Variants in RGMA observed in about 807,000 individuals in gnomAD.
RGMA encodes repulsive guidance molecule BMP co-receptor a.
In RGMA, 10 loss-of-function variants were observed where a neutral mutation model predicts 23.2. The observed-to-expected ratio is 0.43, with a 90% confidence interval of 0.27 to 0.73. The LOEUF (loss-of-function observed/expected upper bound fraction) is 0.73. Among genes scored for constraint, RGMA ranks in the 30% least tolerant of loss-of-function variants. The probability of loss-of-function intolerance (pLI) is 0.20; values close to 1 mark genes in which losing one functional copy is unlikely to be tolerated. For synonymous variants in RGMA, 308 were observed against 279.3 expected (o/e 1.10, Z -1.03); for missense variants, 547 against 630.5 (o/e 0.87, Z 1.42).
intron 2 of RGMA, among the ~76,000 whole-genome samples, chr15:93,055,810 T>C (rs2055004484): frequency 6.6e-6 from 1 of 152,198 alleles, no homozygotes; most frequent in Non-Finnish European, 1.5e-5. Flanking sequence ...GGTGTGGCTC[T>C]ACCCTCCAAA....
intron 2 of RGMA, among the ~76,000 whole-genome samples, chr15:93,056,653 T>C (rs1327030298): frequency 6.6e-6 from 1 of 152,086 alleles, no homozygotes; most frequent in Non-Finnish European, 1.5e-5. Context: ...TGCCCCACTA[T>C]TCCCTCCAAG....
intron 2 of RGMA, among the ~76,000 whole-genome samples, chr15:93,059,967 GGAAAGCTGCTTTTCAGA>G (rs2055076177): frequency 6.6e-6 from 1 of 152,174 alleles, no homozygotes; most frequent in Non-Finnish European, 1.5e-5. Flanking sequence ...AAGCGGAAGA[GGAAAGCTGCTTTTCAGA>G]GCAAGCTGCG....
intron 2 of RGMA, among the ~76,000 whole-genome samples, chr15:93,068,902 A>C (rs1895236947): frequency 6.6e-6 from 1 of 152,170 alleles, no homozygotes; most frequent in African/African-American, 2.4e-5. Context: ...ACCATCTACA[A>C]ACCAGACATC....
intron 3 of RGMA, among the ~76,000 whole-genome samples, chr15:93,048,787 G>C (rs1204800036): frequency 6.6e-6 from 1 of 151,998 alleles, no homozygotes; most frequent in African/African-American, 2.4e-5. Flanking sequence ...GGCCGCCTGG[G>C]GGTGCCGGAG....
intron 3 of RGMA, among the ~76,000 whole-genome samples, chr15:93,049,646 CG>C (rs2054885907): frequency 1.3e-5 from 2 of 152,186 alleles, no homozygotes; most frequent in African/African-American, 4.8e-5. Flanking sequence ...TAGTGATGCC[CG>C]GGTGTTTGGG....
Position 93,038,573 on chromosome 15 carries a change from T to TG in RGMA, c.*6424_*6425insC. ...TAATGAACGAAACTGTTAGTTGTTT[T>TG]TTTTTTTTTTTTGAGACGGTGTCTT... On this transcript the variant is annotated 3_prime_UTR_variant, in exon 4 of 4. Transcript: ENST00000329082. The TG allele has an allele frequency of 7.1e-6, 1 of 140,970 alleles. No individual in the cohort carries two copies. The highest frequency in any genetic ancestry group is 2.5e-5 in the African/African-American group (1 of 39,318). The allele number at this position is 140,970 out of a possible 1,614,324, so 8.7% of individuals were successfully genotyped here. A position where few individuals can be genotyped will look rare whatever the true frequency, so the allele number is the denominator to read the frequency against.
rs1269476552 is a variant in RGMA, at chr15:93,055,908, G to GA, written c.131-3402dup. Among the ~76,000 whole-genome samples the GA allele has an allele frequency of 2.0e-5, 3 of 152,226 alleles. 1 individual carries two copies. The highest frequency in any genetic ancestry group is 4.1e-4 in the South Asian group (2 of 4,828). ...TCCACAGCCTTCAAAACTGTTCTCA[G>GA]AGCAGCACCGCAGCTACAGAACTCT... is the stretch of plus-strand genomic sequence containing the variant. On this transcript the variant is annotated intron_variant, in intron 2 of 3. Transcript: ENST00000329082.
Position 93,035,829 on chromosome 15 carries a change from G to A in RGMA, c.*9169C>T, listed in dbSNP as rs1378077683. The A allele has an allele frequency of 6.6e-6, 1 of 152,254 alleles. No homozygotes were observed. Among genetic ancestry groups the A allele is most frequent in the African/African-American group, 2.4e-5 (1 of 41,456 alleles). The allele number at this position is 152,254 out of a possible 1,614,324, so 9.4% of individuals were successfully genotyped here. ...GGGCTTTGCGCCAGTATGAGCTTATGTAGTTCTTCCCGCTGCCCAGTGATT... is the reference window on the plus strand; with the variant it reads ...GGGCTTTGCGCCAGTATGAGCTTATATAGTTCTTCCCGCTGCCCAGTGATT... On this transcript the variant is annotated 3_prime_UTR_variant, in exon 4 of 4. Coordinates refer to ENST00000329082, the MANE Select transcript of RGMA (RefSeq NM_020211.3).
Position 93,052,304 on chromosome 15 carries a change from G to C in RGMA, c.334C>G (p.Gln112Glu). 1 of 1,604,186 alleles carries C rather than the reference G, an allele frequency of 6.2e-7. No individual in the cohort carries two copies. The highest frequency in any genetic ancestry group is 8.5e-7 in the Non-Finnish European group (1 of 1,178,216). Residue 112 changes from glutamine (Q) to glutamate (E), a missense_variant, in exon 3 of 4, where the codon CAG becomes GAG. By Grantham distance (29) the Gln-to-Glu change is conservative (BLOSUM62 2). Coordinates refer to ENST00000329082, the MANE Select transcript of RGMA (RefSeq NM_020211.3). ...AVHGIEDLMSQHNCSKDGPTS... is the reference protein window; with the variant it reads ...AVHGIEDLMSEHNCSKDGPTS... ...GGGCCATCCTTGGAGCAGTTGTGCT[G>C]GCTCATGAGGTCCTCTATGCCATGG...
intron 2 of RGMA, among the ~76,000 whole-genome samples, chr15:93,060,213 G>C (rs555645718): frequency 6.6e-6 from 1 of 152,172 alleles, no homozygotes; most frequent in South Asian, 2.1e-4. Context: ...GCCACCCTCC[G>C]GCCCCTTGGT....
intron 3 of RGMA, 138 bp downstream of exon 3, chr15:93,051,855 G>A (rs1567181502): frequency 2.2e-6 from 2 of 897,600 alleles, no homozygotes; most frequent in Non-Finnish European, 3.3e-6. Flanking sequence ...GGATGCTCAG[G>A]GAGGGTGCTC....
At chr15:93,071,017 C>T (rs555761508) in intron 2 of RGMA, among the ~76,000 whole-genome samples, 1 of 152,308 alleles carries the variant, frequency 6.6e-6, no homozygotes, top group East Asian at 1.9e-4. Context: ...CCTTCCTTTC[C>T]TCTCCAGCCC....
chr15:93,065,791 G>T (rs1238384827), intron 2 of RGMA: 17 of 1,001,476 alleles, frequency 1.7e-5, no homozygotes, highest in Admixed American at 5.3e-5. Flanking sequence ...AGGCTGGCTG[G>T]GGTGGTCTGG....
intron 2 of RGMA, among the ~76,000 whole-genome samples, chr15:93,061,552 C>A (rs1346607559): frequency 6.6e-6 from 1 of 152,232 alleles, no homozygotes; most frequent in Non-Finnish European, 1.5e-5. Context: ...GGTGACATTT[C>A]ACTCTTTTGG....
chr15:93,079,702 C>T (rs1275681001), intron 1 of RGMA, among the ~76,000 whole-genome samples: 1 of 152,090 alleles, frequency 6.6e-6, no homozygotes, highest in African/African-American at 2.4e-5. Context: ...CACCTGTAAC[C>T]CCAGCTACTT....
intron 3 of RGMA, among the ~76,000 whole-genome samples, chr15:93,048,823 C>T (rs937448514): frequency 4.9e-5 from 6 of 122,970 alleles, no homozygotes; most frequent in South Asian, 5.6e-4. Flanking sequence ...TGGTCTGGGC[C>T]GTGGGTGGTC....
intron 2 of RGMA, among the ~76,000 whole-genome samples, chr15:93,064,648 T>C (rs975933695): frequency 6.6e-6 from 1 of 152,214 alleles, no homozygotes; most frequent in African/African-American, 2.4e-5. Flanking sequence ...GGGACCTAGG[T>C]GCGGAGGCAT....
chr15:93,044,810 C>T lies in RGMA; in HGVS notation c.*188G>A. On this transcript the variant is annotated 3_prime_UTR_variant, in exon 4 of 4. Transcript: ENST00000329082. Reference sequence around the variant, plus strand: ...TACTGTCAAACATCATGGCACCAGTCACCACAACCTTGTCACGTGCACTAG... The same window carrying T: ...TACTGTCAAACATCATGGCACCAGTTACCACAACCTTGTCACGTGCACTAG... 1 of 603,466 alleles carries T rather than the reference C, an allele frequency of 1.7e-6. No homozygotes were observed. The highest frequency in any genetic ancestry group is 2.9e-6 in the Non-Finnish European group (1 of 339,660). 37.4% of individuals were successfully genotyped at this position (603,466 alleles called of 1,614,324 possible).
intron 3 of RGMA, among the ~76,000 whole-genome samples, chr15:93,048,851 T>C (rs539004093): frequency 4.9e-5 from 4 of 82,430 alleles, no homozygotes; most frequent in African/African-American, 1.9e-4. Flanking sequence ...GGGGGGAGGA[T>C]GGGGGACTCT....
Sources: allele counts gnomAD v4.1 joint callset (sites outside exome capture counted in the v4.1 genomes callset), GRCh38; gene constraint gnomAD v4.1.1; transcripts MANE v1.5; gene names NCBI Gene and HGNC (gene_info 2026-07-23, HGNC 2026-07-21).